Variants in STK24 observed in about 807,000 individuals in gnomAD.
STK24 encodes the protein serine/threonine kinase 24.
Under a neutral mutation model 55.6 loss-of-function variants are expected in STK24, and 21 were observed. The ratio of observed to expected loss-of-function variants is 0.38; its 90% CI spans 0.27 to 0.54. The LOEUF is 0.54. Ranked by LOEUF, STK24 falls within the 20% of genes least tolerant of loss-of-function variation. STK24 has a pLI of 0.79. For synonymous variants in STK24, 200 were observed against 215.2 expected (o/e 0.93, Z 0.62); for missense variants, 383 against 538.4 (o/e 0.71, Z 2.86).
intron 1 of STK24, among the ~76,000 whole-genome samples, chr13:98,568,276 C>T (rs1897640640): frequency 6.6e-6 from 1 of 152,132 alleles, no homozygotes; most frequent in Non-Finnish European, 1.5e-5. Context: ...AGATTACAGG[C>T]ATGAGCCATC....
At chr13:98,492,088 TG>T (rs1895063472) in intron 2 of STK24, among the ~76,000 whole-genome samples, 1 of 150,850 alleles carries the variant, frequency 6.6e-6, no homozygotes, top group Admixed American at 6.6e-5. Flanking sequence ...TGTGTGTGTG[TG>T]TGTGTGTGTG....
Position 98,448,030 on chromosome 13 carries a change from C to T in STK24, c.*5143G>A, listed in dbSNP as rs1302782452. 1.0e-5 allele frequency: 6 copies of T among 596,458 alleles called. No individual in the cohort carries two copies. The highest frequency in any genetic ancestry group is 5.8e-5 in the Admixed American group (2 of 34,344). 36.9% of individuals were successfully genotyped at this position (596,458 alleles called of 1,614,324 possible). A position where few individuals can be genotyped will look rare whatever the true frequency, so the allele number is the denominator to read the frequency against. On this transcript the variant is annotated 3_prime_UTR_variant, in exon 11 of 11. Coordinates refer to ENST00000539966, the MANE Select transcript of STK24 (RefSeq NM_001032296.4). ...CACTGCAGCAAGGTACTTCCAGCTC[C>T]ACACTGAGTGAGTGCCCAGGCCAGT...
At chr13:98,469,512 G>A (rs552208039) in intron 5 of STK24, among the ~76,000 whole-genome samples, 5 of 150,848 alleles carry the variant, frequency 3.3e-5, no homozygotes, top group African/African-American at 1.2e-4. Flanking sequence ...CATAAGTCTG[G>A]GTGACAGAGC....
intron 2 of STK24, among the ~76,000 whole-genome samples, chr13:98,507,446 T>C (rs1482960792): frequency 6.6e-6 from 1 of 152,132 alleles, no homozygotes; most frequent in Non-Finnish European, 1.5e-5. Context: ...CTAGTGTTGA[T>C]AGTAGAAGAA....
chr13:98,527,008 G>C (rs1896448636), intron 1 of STK24, among the ~76,000 whole-genome samples: 1 of 152,252 alleles, frequency 6.6e-6, no homozygotes, highest in Admixed American at 6.5e-5. Context: ...GATTCCCTGA[G>C]AAGAGGCAGT....
rs557360574 is a variant in STK24 at position 98,474,009 on chromosome 13, G to C, written c.597+812C>G. Among the ~76,000 whole-genome samples the C allele has an allele frequency of 2.6e-3, 391 of 152,306 alleles. 2 individuals carry two copies. Among genetic ancestry groups the C allele is most frequent in the Admixed American group, 4.4e-3 (68 of 15,298 alleles). ...GTATTTGTTTGCTCAGAAACTTGGA[G>C]CCCAGGAAAGCCAATTCTCCGTGGA... On this transcript the variant is annotated intron_variant, in intron 5 of 10. Coordinates refer to ENST00000539966, the MANE Select transcript of STK24 (RefSeq NM_001032296.4).
chr13:98,576,700 C>G, intron 1 of STK24, 45 bp downstream of exon 1: 1 of 1,442,314 alleles, frequency 6.9e-7, no homozygotes, highest in Non-Finnish European at 9.1e-7. Flanking sequence ...GTTGCTGCTT[C>G]CGCCCCGGTC....
chr13:98,474,809 C>T lies in STK24; in HGVS notation c.597+12G>A, dbSNP rs1356859952. On this transcript the variant is annotated intron_variant, in intron 5 of 10. Transcript: ENST00000539966. Reference sequence around the variant, plus strand: ...CTCGTGAGGCACGGCGCCGCCCTCACCCTCCCCTCACCTTCGAGTCATAGG... The same window carrying T: ...CTCGTGAGGCACGGCGCCGCCCTCATCCTCCCCTCACCTTCGAGTCATAGG... 1.2e-6 allele frequency: 2 copies of T among 1,604,348 alleles called. No homozygotes were observed. The highest frequency in any genetic ancestry group is 1.7e-6 in the Non-Finnish European group (2 of 1,175,382).
At position 98,446,451 on chromosome 13, in the gene STK24, CG is replaced by C; in HGVS notation, c.*6721del. The C allele has an allele frequency of 1.6e-6, 1 of 607,928 alleles. No individual in the cohort carries two copies. Among genetic ancestry groups the C allele is most frequent in the Non-Finnish European group, 2.9e-6 (1 of 344,210 alleles). 37.7% of individuals were successfully genotyped at this position (607,928 alleles called of 1,614,324 possible). ...ACCTGTCTTCTGCCTGGACAAGGGA[CG>C]GGGGTTGGCTTTATCTACAGCTCAG... On this transcript the variant is annotated 3_prime_UTR_variant, in exon 11 of 11. Transcript: ENST00000539966.
At position 98,449,706 on chromosome 13, in the gene STK24, TAACA is replaced by T. The variant is rs557515638; in HGVS notation, c.*3463_*3466del. On this transcript the variant is annotated 3_prime_UTR_variant, in exon 11 of 11. Transcript: ENST00000539966. ...AGATGTACCAGACGGTTTCCAGTACTAACAAAGGGAATAAAAATACCTCACGCCA... is the reference window on the plus strand; with the variant it reads ...AGATGTACCAGACGGTTTCCAGTACTAAGGGAATAAAAATACCTCACGCCA... The T allele has an allele frequency of 5.6e-4, 83 of 149,288 alleles. 1 individual carries two copies. Among genetic ancestry groups the T allele is most frequent in the African/African-American group, 2.0e-3 (81 of 40,252 alleles). The allele number at this position is 149,288 out of a possible 1,614,324, so 9.2% of individuals were successfully genotyped here.
intron 3 of STK24, among the ~76,000 whole-genome samples, chr13:98,480,995 C>T (rs1566359375): frequency 1.3e-5 from 2 of 152,210 alleles, no homozygotes; most frequent in Non-Finnish European, 2.9e-5. Context: ...AACCACAGCC[C>T]TGTCATCCTG....
At chr13:98,475,921 T>C (rs1264702394) in intron 3 of STK24, among the ~76,000 whole-genome samples, 2 of 152,172 alleles carry the variant, frequency 1.3e-5, no homozygotes, top group Non-Finnish European at 2.9e-5. Context: ...TCTGAGGATA[T>C]CCTTGTATTA....
At chr13:98,521,011 C>T (rs543621844) in intron 1 of STK24, among the ~76,000 whole-genome samples, 5 of 152,192 alleles carry the variant, frequency 3.3e-5, no homozygotes, top group South Asian at 4.1e-4. Context: ...ACGGGAAATG[C>T]GTCCTGGGGT....
intron 2 of STK24, among the ~76,000 whole-genome samples, chr13:98,512,445 T>C (rs17471066): frequency 0.17 from 25,265 of 152,128 alleles, 2,717 homozygotes; most frequent in Non-Finnish European, 0.24. Context: ...GGTCATTTTA[T>C]TGGCTAGAAA....
At chr13:98,502,177 A>G (rs140843479) in intron 2 of STK24, among the ~76,000 whole-genome samples, 75 of 152,274 alleles carry the variant, frequency 4.9e-4, no homozygotes, top group African/African-American at 1.8e-3. Flanking sequence ...TCAGGGTGAC[A>G]TCTGCCTGGT....
intron 1 of STK24, among the ~76,000 whole-genome samples, chr13:98,543,589 C>T (rs1896950924): frequency 1.3e-5 from 2 of 152,090 alleles, no homozygotes; most frequent in East Asian, 1.9e-4. Flanking sequence ...CGGGTCTGAT[C>T]GCTGCAGAGA....
chr13:98,522,985 G>A (rs1369132195), intron 1 of STK24, among the ~76,000 whole-genome samples: 1 of 152,150 alleles, frequency 6.6e-6, no homozygotes, highest in African/African-American at 2.4e-5. Context: ...TCATTCCCGG[G>A]AGCAGTGATT....
At chr13:98,459,208 C>T (rs1463586741) in intron 9 of STK24, among the ~76,000 whole-genome samples, 1 of 152,212 alleles carries the variant, frequency 6.6e-6, no homozygotes, top group South Asian at 2.1e-4. Flanking sequence ...CAAAATGAAG[C>T]GCAGGATGGC....
At chr13:98,502,993 A>G (rs1895534110) in intron 2 of STK24, among the ~76,000 whole-genome samples, 1 of 148,950 alleles carries the variant, frequency 6.7e-6, no homozygotes, top group African/African-American at 2.5e-5. Flanking sequence ...CACACATCCC[A>G]TAATGAATAT....
Sources: allele counts gnomAD v4.1 joint callset (sites outside exome capture counted in the v4.1 genomes callset), GRCh38; gene constraint gnomAD v4.1.1; transcripts MANE v1.5; gene names NCBI Gene and HGNC (gene_info 2026-07-23, HGNC 2026-07-21).